CYP3A43: variants seen among roughly 807,000 people sequenced by gnomAD.
The protein encoded by CYP3A43 is cytochrome P450 3A43.
Under a neutral mutation model 58.0 loss-of-function variants are expected in CYP3A43, and 45 were observed. The ratio of observed to expected loss-of-function variants is 0.78; its 90% CI spans 0.61 to 0.99. The LOEUF is 0.99. Ranked by LOEUF, CYP3A43 falls within the 50% of genes least tolerant of loss-of-function variation. CYP3A43 has a pLI of 0.00. For missense variants in CYP3A43, 593 were observed against 591.9 expected, an observed-to-expected ratio of 1.00 and a Z score of -0.02; for synonymous variants, 191 against 201.4, an observed-to-expected ratio of 0.95 and a Z score of 0.44.
In CYP3A43 at chr7:99,861,801, A is replaced by C; in HGVS notation, c.1215A>C (p.Pro405=). The change falls in exon 11 of 13, where the codon CCA becomes CCC. Residue 405 remains proline (P), a synonymous_variant. Transcript: ENST00000354829. ...CAATCTATGCTCTTCACCATGACCC[A>C]AAGTACTGGACAGAGCCTGAGAAGT... ...MVPIYALHHD[P]KYWTEPEKFC... 6.2e-7 allele frequency: 1 copy of C among 1,614,218 alleles called. No homozygotes were observed. Among genetic ancestry groups the C allele is most frequent in the Non-Finnish European group, 8.5e-7 (1 of 1,180,018 alleles).
rs528422107 is a variant in CYP3A43 at position 99,849,621 on chromosome 7, A to G, written c.597A>G (p.Pro199=). 1.2e-6 allele frequency: 2 copies of G among 1,613,228 alleles called. No individual in the cohort carries two copies. Among genetic ancestry groups the G allele is most frequent in the African/African-American group, 2.7e-5 (2 of 74,932 alleles). The change falls in exon 7 of 13, where the codon CCA becomes CCG. Residue 199 remains proline, a synonymous_variant. Transcript: ENST00000354829. The stretch of plus-strand genomic sequence containing the variant: ...TGAACTTGGATTCTCTCAACAATCC[A>G]CAAGATCCCTTTCTGAAAAATATGA... ...FGVNLDSLNN[P]QDPFLKNMKK... is the part of the protein sequence containing the mutation.
intron 7 of CYP3A43, chr7:99,849,954 C>CCTTTTT (rs1563066910): frequency 6.5e-6 from 3 of 465,016 alleles, no homozygotes; most frequent in African/African-American, 4.1e-5. Context: ...TCTTCCTCAC[C>CCTTTTT]ATTTTTTTTT....
At chr7:99,851,675 C>T (rs1345427119) in intron 7 of CYP3A43, among the ~76,000 whole-genome samples, 5 of 152,198 alleles carry the variant, frequency 3.3e-5, no homozygotes, top group Admixed American at 3.3e-4. Context: ...CATACAACTT[C>T]CTTCTCAGGC....
intron 7 of CYP3A43, among the ~76,000 whole-genome samples, chr7:99,855,017 G>C (rs1430857455): frequency 6.6e-6 from 1 of 151,562 alleles, no homozygotes; most frequent in East Asian, 1.9e-4. Flanking sequence ...CAAGTAGCTG[G>C]GACTACAGGC....
intron 7 of CYP3A43, among the ~76,000 whole-genome samples, chr7:99,854,414 T>C (rs949972845): frequency 1.3e-5 from 2 of 151,864 alleles, no homozygotes; most frequent in African/African-American, 4.8e-5. Context: ...GCCATGTTGG[T>C]CAGGCTGGTC....
In CYP3A43 at chr7:99,847,521, T is replaced by C; in HGVS notation, c.352T>C (p.Leu118=). The C allele has an allele frequency of 3.7e-6, 6 of 1,614,038 alleles. No individual in the cohort carries two copies. Among genetic ancestry groups the C allele is most frequent in the Non-Finnish European group, 5.1e-6 (6 of 1,179,972 alleles). Reference sequence around the variant, plus strand: ...TCCAATGGGATTTCTGAAAAGTGCCTTAAGTTTTGCTGAAGATGAAGAATG... The same window carrying C: ...TCCAATGGGATTTCTGAAAAGTGCCCTAAGTTTTGCTGAAGATGAAGAATG... ...LGPMGFLKSA[L]SFAEDEEWKR... The change falls in exon 5 of 13, where the codon TTA becomes CTA. Residue 118 remains leucine (L), a synonymous_variant. Transcript: ENST00000354829.
chr7:99,850,019 C>T (rs755833018), intron 7 of CYP3A43: 61 of 437,920 alleles, frequency 1.4e-4, no homozygotes, highest in South Asian at 8.4e-4. Flanking sequence ...GTGCATGGTG[C>T]GATCTGGGCT....
intron 3 of CYP3A43, 128 bp downstream of exon 3, chr7:99,839,300 A>G: frequency 8.9e-7 from 1 of 1,121,626 alleles, no homozygotes; most frequent in Non-Finnish European, 1.3e-6. Flanking sequence ...ACAAACAGAG[A>G]GAGGCTATCT....
intron 2 of CYP3A43, among the ~76,000 whole-genome samples, chr7:99,838,200 C>T (rs1817171545): frequency 6.6e-6 from 1 of 152,196 alleles, no homozygotes; most frequent in Non-Finnish European, 1.5e-5. Context: ...GCATTTCCCA[C>T]ACTTATTATG....
chr7:99,843,292 G>A (rs1035425061), intron 3 of CYP3A43, among the ~76,000 whole-genome samples: 1 of 151,858 alleles, frequency 6.6e-6, no homozygotes, highest in Non-Finnish European at 1.5e-5. Flanking sequence ...TTTAGAAAAA[G>A]CACAGGTCAC....
At chr7:99,850,788 A>G (rs1817731876) in intron 7 of CYP3A43, among the ~76,000 whole-genome samples, 1 of 152,228 alleles carries the variant, frequency 6.6e-6, no homozygotes, top group Admixed American at 6.5e-5. Context: ...TTCATTTAGC[A>G]TTACATTTTC....
chr7:99,845,510 TG>T (rs1563064489), intron 4 of CYP3A43, among the ~76,000 whole-genome samples: 2 of 152,146 alleles, frequency 1.3e-5, no homozygotes, highest in East Asian at 3.9e-4. Context: ...TTAGTAGAGA[TG>T]GGGTTTTGCC....
chr7:99,857,528 A>C (rs555805158), intron 9 of CYP3A43, among the ~76,000 whole-genome samples: 2 of 152,276 alleles, frequency 1.3e-5, no homozygotes, highest in Admixed American at 1.3e-4. Flanking sequence ...AATTGTGAAT[A>C]TTAACAATTA....
At chr7:99,829,560 A>G (rs1816759539) in intron 1 of CYP3A43, among the ~76,000 whole-genome samples, 1 of 152,206 alleles carries the variant, frequency 6.6e-6, no homozygotes, top group Non-Finnish European at 1.5e-5. Flanking sequence ...CTAAGGAGCT[A>G]TAGGAGAGAA....
intron 7 of CYP3A43, among the ~76,000 whole-genome samples, chr7:99,851,898 T>C (rs953522792): frequency 6.6e-5 from 10 of 152,228 alleles, no homozygotes; most frequent in African/African-American, 2.4e-4. Context: ...CATGAAGATT[T>C]GCCCTCTTGG....
chr7:99,865,004 T>C (rs1182062743), intron 12 of CYP3A43, among the ~76,000 whole-genome samples: 24 of 148,498 alleles, frequency 1.6e-4, no homozygotes, highest in Non-Finnish European at 8.8e-5. Flanking sequence ...TATTCTAAAG[T>C]AGGCTTTGTG....
intron 2 of CYP3A43, among the ~76,000 whole-genome samples, chr7:99,838,332 G>A (rs752347270): frequency 6.6e-6 from 1 of 152,198 alleles, no homozygotes; most frequent in Non-Finnish European, 1.5e-5. Context: ...GGTCCCTGAT[G>A]TTTTTGACTT....
chr7:99,858,784 C>T (rs1818101393), intron 9 of CYP3A43, among the ~76,000 whole-genome samples: 1 of 151,704 alleles, frequency 6.6e-6, no homozygotes, highest in Admixed American at 6.6e-5. Flanking sequence ...CCTCTGCCTC[C>T]CAGGTTCAAG....
At chr7:99,839,464 T>A in intron 3 of CYP3A43, 1 of 596,326 alleles carries the variant, frequency 1.7e-6, no homozygotes, top group South Asian at 1.5e-5. Context: ...AATTAAGTCA[T>A]ACCTTACTGC....
Sources: allele counts gnomAD v4.1 joint callset (sites outside exome capture counted in the v4.1 genomes callset), GRCh38; gene constraint gnomAD v4.1.1; transcripts MANE v1.5; gene names NCBI Gene and HGNC (gene_info 2026-07-23, HGNC 2026-07-21).